Variants in NRG3 observed in about 807,000 individuals in gnomAD.
NRG3 encodes neuregulin 3, also known as pro-neuregulin-3, membrane-bound isoform.
Under a neutral mutation model 66.9 loss-of-function variants are expected in NRG3, and 31 were observed. The observed-to-expected ratio is 0.46, with a 90% CI of 0.35 to 0.63. NRG3 has a LOEUF of 0.63. Ranked by LOEUF, NRG3 falls within the 20% of genes least tolerant of loss-of-function variation. The pLI, the probability that NRG3 is intolerant of heterozygous loss-of-function variation, is 0.00. For missense variants in NRG3, 910 were observed against 878.9 expected, an observed-to-expected ratio of 1.04 and a Z score of -0.45; for synonymous variants, 393 against 359.4, an observed-to-expected ratio of 1.09 and a Z score of -1.06.
intron 2 of NRG3, among the ~76,000 whole-genome samples, chr10:82,718,552 A>G (rs558003386): frequency 6.6e-6 from 1 of 152,346 alleles, no homozygotes; most frequent in East Asian, 1.9e-4. Flanking sequence ...GACACAAGTC[A>G]CAACTGCAAA....
chr10:82,277,369 C>T (rs545699044), intron 1 of NRG3, among the ~76,000 whole-genome samples: 2 of 152,126 alleles, frequency 1.3e-5, no homozygotes, highest in South Asian at 2.1e-4. Flanking sequence ...CAGAGTAGGA[C>T]TTCTAAGTTG....
At chr10:82,175,113 C>T (rs2072929976) in intron 1 of NRG3, among the ~76,000 whole-genome samples, 1 of 152,032 alleles carries the variant, frequency 6.6e-6, no homozygotes, top group South Asian at 2.1e-4. Flanking sequence ...TAAGACCTAC[C>T]CTTATATGGC....
At chr10:82,008,975 A>C (rs978331612) in intron 1 of NRG3, among the ~76,000 whole-genome samples, 1 of 152,172 alleles carries the variant, frequency 6.6e-6, no homozygotes, top group Non-Finnish European at 1.5e-5. Context: ...CATGAAATGA[A>C]GTGCTGCAGT....
chr10:82,304,981 C>A (rs1428527117), intron 1 of NRG3, among the ~76,000 whole-genome samples: 2 of 132,704 alleles, frequency 1.5e-5, no homozygotes, highest in African/African-American at 2.9e-5. Context: ...CATCAGATTC[C>A]TCTTTTTTTT....
At chr10:81,949,114 C>T (rs1265817081) in intron 1 of NRG3, among the ~76,000 whole-genome samples, 1 of 152,084 alleles carries the variant, frequency 6.6e-6, no homozygotes, top group Non-Finnish European at 1.5e-5. Context: ...GGCTCCATCA[C>T]ATTGACATAG....
intron 3 of NRG3, among the ~76,000 whole-genome samples, chr10:82,774,375 A>G (rs2135204767): frequency 6.6e-6 from 1 of 152,310 alleles, no homozygotes; most frequent in East Asian, 1.9e-4. Flanking sequence ...GGCAGAATTC[A>G]ACCATGAAGT....
At chr10:81,966,975 TAGG>T (rs2059754264) in intron 1 of NRG3, among the ~76,000 whole-genome samples, 1 of 152,110 alleles carries the variant, frequency 6.6e-6, no homozygotes, top group Non-Finnish European at 1.5e-5. Context: ...TTGCTTTTAA[TAGG>T]AGATAGGTTA....
chr10:82,507,802 T>C (rs1021419534), intron 2 of NRG3, among the ~76,000 whole-genome samples: 5 of 152,188 alleles, frequency 3.3e-5, no homozygotes, highest in Non-Finnish European at 5.9e-5. Flanking sequence ...AACATATACA[T>C]AGAGAAGTAG....
At chr10:82,386,581 G>A (rs1039459138) in intron 2 of NRG3, among the ~76,000 whole-genome samples, 1 of 151,690 alleles carries the variant, frequency 6.6e-6, no homozygotes, top group Non-Finnish European at 1.5e-5. Flanking sequence ...AAATCTTATC[G>A]AACATTTAAT....
At chr10:82,901,903 G>T (rs1165690957) in intron 4 of NRG3, among the ~76,000 whole-genome samples, 2 of 152,202 alleles carry the variant, frequency 1.3e-5, no homozygotes, top group East Asian at 1.9e-4. Context: ...TTATTTAGCG[G>T]CACTGTAATA....
chr10:82,648,011 A>C (rs1240019545), intron 2 of NRG3, among the ~76,000 whole-genome samples: 2 of 148,272 alleles, frequency 1.3e-5, no homozygotes, highest in African/African-American at 2.5e-5. Context: ...TAGTTTAATT[A>C]GATCCCATTT....
At chr10:82,071,661 G>T (rs117750303) in intron 1 of NRG3, among the ~76,000 whole-genome samples, 5 of 152,182 alleles carry the variant, frequency 3.3e-5, no homozygotes, top group Non-Finnish European at 5.9e-5. Context: ...CTCAGAAAGG[G>T]ATGGGAAGCT....
intron 4 of NRG3, among the ~76,000 whole-genome samples, 153 bp downstream of exon 4, chr10:82,865,590 T>C (rs893655633): frequency 1.3e-5 from 2 of 152,176 alleles, no homozygotes; most frequent in Non-Finnish European, 2.9e-5. Context: ...TTTCACTAAG[T>C]AATGGCTCAA....
At chr10:82,479,555 T>G (rs1049427628) in intron 2 of NRG3, among the ~76,000 whole-genome samples, 1 of 147,826 alleles carries the variant, frequency 6.8e-6, no homozygotes, top group Admixed American at 6.8e-5. Flanking sequence ...CCCCAGCTAC[T>G]TGGGAGTCTG....
intron 4 of NRG3, among the ~76,000 whole-genome samples, chr10:82,881,530 T>C (rs1842296807): frequency 1.3e-5 from 2 of 152,190 alleles, no homozygotes; most frequent in Non-Finnish European, 2.9e-5. Flanking sequence ...TTGTACTGTA[T>C]CATAGAAGTG....
intron 1 of NRG3, among the ~76,000 whole-genome samples, chr10:82,105,044 G>T (rs2066976050): frequency 6.6e-6 from 1 of 152,058 alleles, no homozygotes; most frequent in Non-Finnish European, 1.5e-5. Context: ...ACAGGTTATG[G>T]TTGTAGATAA....
intron 1 of NRG3, among the ~76,000 whole-genome samples, chr10:82,087,602 A>ATT (rs1338527377): frequency 3.9e-5 from 6 of 152,150 alleles, no homozygotes; most frequent in Admixed American, 2.6e-4. Flanking sequence ...ATGGTATCAT[A>ATT]TTTATCATTG....
chr10:82,831,900 C>A (rs957453243), intron 3 of NRG3, among the ~76,000 whole-genome samples: 4 of 152,038 alleles, frequency 2.6e-5, no homozygotes, highest in African/African-American at 4.8e-5. Context: ...TTATATGCAC[C>A]CACCCCCCCA....
intron 2 of NRG3, among the ~76,000 whole-genome samples, chr10:82,440,799 T>G (rs1388625101): frequency 6.6e-6 from 1 of 152,210 alleles, no homozygotes; most frequent in Non-Finnish European, 1.5e-5. Context: ...TAGCTTACAT[T>G]AAGTACTCTG....
Sources: gnomAD v4.1 joint callset for allele counts (sites outside exome capture counted in the v4.1 genomes callset) on GRCh38, gnomAD v4.1.1 for gene constraint, MANE v1.5 for transcripts, NCBI Gene and HGNC (gene_info 2026-07-23, HGNC 2026-07-21) for gene names.